Variants in GUCY2F observed in about 807,000 individuals in gnomAD.
The protein encoded by GUCY2F is guanylate cyclase 2F, retinal.
A neutral mutation model predicts 73.1 loss-of-function variants in GUCY2F; 61 were observed. The observed-to-expected ratio is 0.83, with a 90% CI of 0.68 to 1.03. The LOEUF (loss-of-function observed/expected upper bound fraction) is 1.03, where lower values mean the gene tolerates loss of function less well. Ranked by LOEUF, GUCY2F falls within the 50% of genes least tolerant of loss-of-function variation. The pLI, the probability that GUCY2F is intolerant of heterozygous loss-of-function variation, is 0.00. For synonymous variants in GUCY2F, 331 were observed against 307.8 expected (o/e 1.08, Z -0.79); for missense variants, 912 against 854.3 (o/e 1.07, Z -0.84).
chrX:109,456,019 G>A (rs1932252036), intron 3 of GUCY2F, among the ~76,000 whole-genome samples: 1 of 112,060 alleles, frequency 8.9e-6, no homozygotes, highest in African/African-American at 3.2e-5. Context: ...ACTACTAGCA[G>A]AGCAGAAATC....
chrX:109,477,460 A>T (rs181988135), intron 1 of GUCY2F, among the ~76,000 whole-genome samples: 3 of 112,150 alleles, frequency 2.7e-5, no homozygotes, highest in Non-Finnish European at 5.6e-5. Flanking sequence ...TAGGAAAAAA[A>T]TAGAAAGCTG....
chrX:109,415,859 AC>A (rs1049522858), intron 8 of GUCY2F, among the ~76,000 whole-genome samples: 3 of 112,174 alleles, frequency 2.7e-5, no homozygotes, highest in African/African-American at 9.7e-5. Flanking sequence ...AAAATAAAAA[AC>A]ATTAGATACT....
At chrX:109,477,038 C>T (rs1254476288) in intron 1 of GUCY2F, among the ~76,000 whole-genome samples, 1 of 110,486 alleles carries the variant, frequency 9.1e-6, no homozygotes, top group Admixed American at 9.7e-5. Flanking sequence ...AAGGATCTCT[C>T]TAGCAACAAT....
chrX:109,437,692 G>T (rs1196184740), intron 7 of GUCY2F, among the ~76,000 whole-genome samples: 2 of 112,864 alleles, frequency 1.8e-5, no homozygotes, highest in Non-Finnish European at 3.7e-5. Flanking sequence ...GGTGGGGCCT[G>T]GGAGCAGGTA....
rs770361220 is a variant in GUCY2F, at chrX:109,388,555, CAG to C, written c.2888_2889del (p.Ser963CysfsTer74). On this transcript the variant is annotated frameshift_variant, in exon 15 of 20. Coordinates refer to ENST00000218006, the MANE Select transcript of GUCY2F (RefSeq NM_001522.3). LOFTEE classifies it high-confidence loss of function. ...ATGTGCCGCATCTTGAAAGTGCCCA[CAG>C]AGCTCAGGATATCTAAGGACATGTT... ...IANMSLDILS[S>X]VGTFKMRHMP... 1 of 1,203,040 alleles carries C rather than the reference CAG, an allele frequency of 8.3e-7. No homozygotes were observed. Among genetic ancestry groups the C allele is most frequent in the East Asian group, 3.0e-5 (1 of 33,739 alleles).
chrX:109,422,444 A>C (rs1436652400), intron 8 of GUCY2F, among the ~76,000 whole-genome samples: 1 of 111,883 alleles, frequency 8.9e-6, no homozygotes, highest in Non-Finnish European at 1.9e-5. Flanking sequence ...CAGTTTTTCA[A>C]GGTGAAAAAG....
chrX:109,383,886 G>C (rs1186859716), intron 16 of GUCY2F, among the ~76,000 whole-genome samples: 1 of 112,421 alleles, frequency 8.9e-6, no homozygotes, highest in Non-Finnish European at 1.9e-5. Flanking sequence ...CATCAGTCCA[G>C]AATACTGTGC....
intron 3 of GUCY2F, among the ~76,000 whole-genome samples, chrX:109,464,634 A>G (rs1427485660): frequency 8.9e-6 from 1 of 112,651 alleles, no homozygotes; most frequent in African/African-American, 3.2e-5. Flanking sequence ...GCAGGACTGC[A>G]GTGGTCCAGC....
rs182840257 is a variant in GUCY2F at position 109,469,907 on chromosome X, T to C, written c.731-4464A>G. On this transcript the variant is annotated intron_variant, in intron 2 of 19. Coordinates refer to ENST00000218006, the MANE Select transcript of GUCY2F (RefSeq NM_001522.3). Reference sequence around the variant, plus strand: ...ACTTTTGGAACACTATACTAGGTGATGTGTGGCTATCTCTATCAGCTAAGG... The same window carrying C: ...ACTTTTGGAACACTATACTAGGTGACGTGTGGCTATCTCTATCAGCTAAGG... Among the ~76,000 whole-genome samples, 7 of 111,804 alleles carry C rather than the reference T, an allele frequency of 6.3e-5. No individual in the cohort carries two copies. In the East Asian group the frequency reaches 2.0e-3, roughly 31 times the overall value.
chrX:109,475,261 T>A lies in GUCY2F; in HGVS notation c.676A>T (p.Ser226Cys). Reference protein sequence around the residue: ...VGVVLTTGQDSQSMRKALQRI... With the variant: ...VGVVLTTGQDCQSMRKALQRI... ...TGGAGGGCTTTCCGCATGCTTTGGC[T>A]GTCTTGTCCTGTGGTCAGGACGACC... Residue 226 changes from serine to cysteine, a missense_variant, in exon 2 of 20, where the codon AGC becomes TGC. By Grantham distance (112) the Ser-to-Cys change is moderately radical (BLOSUM62 -1). Transcript: ENST00000218006. The A allele has an allele frequency of 8.3e-7, 1 of 1,210,027 alleles. No homozygotes were observed. The highest frequency in any genetic ancestry group is 1.8e-5 in the South Asian group (1 of 56,882).
intron 7 of GUCY2F, among the ~76,000 whole-genome samples, chrX:109,433,563 G>A (rs984886426): frequency 5.4e-5 from 6 of 111,488 alleles, no homozygotes; most frequent in African/African-American, 1.6e-4. Flanking sequence ...TATTGAGTCT[G>A]TGTGAGTTCT....
chrX:109,423,081 C>G (rs1355228919), intron 8 of GUCY2F, among the ~76,000 whole-genome samples: 1 of 111,818 alleles, frequency 8.9e-6, no homozygotes, highest in Non-Finnish European at 1.9e-5. Context: ...CTCTGGTTTT[C>G]GGTGAACACA....
chrX:109,393,751 TC>T (rs757573842), intron 12 of GUCY2F, among the ~76,000 whole-genome samples: 5 of 112,210 alleles, frequency 4.5e-5, no homozygotes, highest in Non-Finnish European at 9.4e-5. Flanking sequence ...ACCTTGTCTA[TC>T]TACAGTAACA....
chrX:109,413,773 T>A lies in GUCY2F; in HGVS notation c.1792-4605A>T, dbSNP rs181134864. ...GACTCCTTCACCCACTTGAAAAAAG[T>A]TCCTAGGATGTCATAACACCAGAAT... On this transcript the variant is annotated intron_variant, in intron 8 of 19. Coordinates refer to ENST00000218006, the MANE Select transcript of GUCY2F (RefSeq NM_001522.3). Among the ~76,000 whole-genome samples the A allele has an allele frequency of 3.6e-5, 4 of 110,932 alleles. No homozygotes were observed. The East Asian group carries it at 1.1e-3, about 31-fold the overall frequency.
At chrX:109,400,250 C>A (rs1930808702) in intron 10 of GUCY2F, among the ~76,000 whole-genome samples, 2 of 110,160 alleles carry the variant, frequency 1.8e-5, no homozygotes, top group Admixed American at 1.9e-4. Flanking sequence ...CACAGTCAAC[C>A]AGATACACTG....
rs753973296 is a variant in GUCY2F, at chrX:109,392,896, G to A, written c.2584C>T (p.Pro862Ser). The change falls in exon 13 of 20, where the codon CCA becomes TCA. Residue 862 changes from proline (P) to serine (S), a missense_variant. Pro to Ser is a moderately conservative substitution (Grantham distance 74, BLOSUM62 -1). Transcript: ENST00000218006. ...TCCTCAGGTGTTCTCACATACGGTGGTAGCATCTGTGTTAGAAGCTTTTCC... is the reference window on the plus strand; with the variant it reads ...TCCTCAGGTGTTCTCACATACGGTGATAGCATCTGTGTTAGAAGCTTTTCC... ...KTEKLLTQML[P>S]PSVAESLKKG... is the part of the protein sequence containing the mutation. 6 of 1,153,073 alleles carry A rather than the reference G, an allele frequency of 5.2e-6. No individual in the cohort carries two copies. The highest frequency in any genetic ancestry group is 7.1e-6 in the Non-Finnish European group (6 of 843,328).
intron 7 of GUCY2F, among the ~76,000 whole-genome samples, chrX:109,436,994 C>CAA (rs375357624): frequency 9.4e-5 from 9 of 95,813 alleles, no homozygotes; most frequent in African/African-American, 3.1e-4. Context: ...GAAATAACAG[C>CAA]AAAAAAAAAA....
intron 3 of GUCY2F, among the ~76,000 whole-genome samples, chrX:109,454,731 G>A (rs1036839330): frequency 1.8e-5 from 2 of 111,518 alleles, no homozygotes; most frequent in African/African-American, 6.5e-5. Context: ...CAAAAAGGTA[G>A]AGAGGATGAG....
intron 11 of GUCY2F, among the ~76,000 whole-genome samples, chrX:109,396,185 T>C (rs1930702666): frequency 9.0e-6 from 1 of 111,341 alleles, no homozygotes; most frequent in Non-Finnish European, 1.9e-5. Flanking sequence ...AGTTCAAATT[T>C]GAACCCAGAC....
Sources: gnomAD v4.1 joint callset for allele counts (sites outside exome capture counted in the v4.1 genomes callset) on GRCh38, gnomAD v4.1.1 for gene constraint, MANE v1.5 for transcripts, NCBI Gene and HGNC (gene_info 2026-07-23, HGNC 2026-07-21) for gene names.